ITGB3: variants seen among roughly 807,000 people sequenced by gnomAD.
ITGB3 encodes the protein integrin subunit beta 3.
A neutral mutation model predicts 85.8 loss-of-function variants in ITGB3; 48 were observed. The observed-to-expected ratio is 0.56, with a 90% CI of 0.44 to 0.71. The LOEUF (loss-of-function observed/expected upper bound fraction) is 0.71. ITGB3 is among the 30% of genes least tolerant of loss of function. ITGB3 has a pLI of 0.00. For synonymous variants in ITGB3, 363 were observed against 395.6 expected (o/e 0.92, Z 0.98); for missense variants, 861 against 1,019.1 (o/e 0.84, Z 2.11).
At chr17:47,275,595 T>C (rs1170267186) in intron 2 of ITGB3, among the ~76,000 whole-genome samples, 1 of 152,232 alleles carries the variant, frequency 6.6e-6, no homozygotes, top group Non-Finnish European at 1.5e-5. Flanking sequence ...TCAGTCTCTC[T>C]GTCTGCTTCT....
At chr17:47,261,712 G>A (rs1953115320) in intron 1 of ITGB3, among the ~76,000 whole-genome samples, 1 of 152,136 alleles carries the variant, frequency 6.6e-6, no homozygotes, top group African/African-American at 2.4e-5. Flanking sequence ...TAGAGACAGG[G>A]TTTGGCCATG....
At chr17:47,292,669 G>A in intron 10 of ITGB3, 101 bp downstream of exon 10, 2 of 1,235,750 alleles carry the variant, frequency 1.6e-6, no homozygotes, top group South Asian at 1.2e-5. Context: ...GTCTTTGCAG[G>A]CAGAGGTGTA....
chr17:47,291,573 G>A (rs2065125842), intron 9 of ITGB3: 1 of 268,744 alleles, frequency 3.7e-6, no homozygotes, highest in Non-Finnish European at 7.0e-6. Context: ...GGGGAGGAAG[G>A]AGGGGAAGAA....
At chr17:47,262,489 G>A (rs1432574589) in intron 1 of ITGB3, among the ~76,000 whole-genome samples, 1 of 152,164 alleles carries the variant, frequency 6.6e-6, no homozygotes, top group Non-Finnish European at 1.5e-5. Flanking sequence ...CATGCCTTGG[G>A]TTGCTAGGCT....
At position 47,292,390 on chromosome 17, in the gene ITGB3, T is replaced by C; in HGVS notation, c.1512T>C (p.Tyr504=). 1.9e-6 allele frequency: 3 copies of C among 1,613,846 alleles called. No individual in the cohort carries two copies. The highest frequency in any genetic ancestry group is 2.5e-6 in the Non-Finnish European group (3 of 1,179,716). ...AGTGTGAGTGCTCAGAGGAGGACTA[T>C]CGCCCTTCCCAGCAGGACGAATGCA... The part of the protein sequence containing the change: ...GSQCECSEED[Y]RPSQQDECSP... The change falls in exon 10 of 15, where the codon TAT becomes TAC. Residue 504 remains tyrosine, a synonymous_variant. Coordinates refer to ENST00000559488, the MANE Select transcript of ITGB3 (RefSeq NM_000212.3).
rs529233506 is a variant in ITGB3, at chr17:47,299,121, T to G, written c.1691-187T>G. On this transcript the variant is annotated intron_variant, in intron 10 of 14. Transcript: ENST00000559488. The surrounding 1 kb of genome is among the most constrained non-coding windows in gnomAD (Gnocchi z 5.1). ...GCTCCGAGCAAGTCCTGCCATACCT[T>G]GGGACCCCTAGAAAACTGAGTTTGT... is the stretch of plus-strand genomic sequence containing the variant. Among the ~76,000 whole-genome samples, 1 of 152,326 alleles carries G rather than the reference T, an allele frequency of 6.6e-6. No homozygotes were observed. The highest frequency in any genetic ancestry group is 2.4e-5 in the African/African-American group (1 of 41,588).
intron 1 of ITGB3, among the ~76,000 whole-genome samples, chr17:47,266,878 G>A (rs764021812): frequency 2.6e-5 from 4 of 151,874 alleles, no homozygotes; most frequent in Non-Finnish European, 4.4e-5. Flanking sequence ...CTGGATTTTC[G>A]AAGACTAATA....
Position 47,299,735 on chromosome 17 carries a change from G to C in ITGB3, c.1913+205G>C, listed in dbSNP as rs531496778. ...AACTGTGAAGGAGCCAAAGTTGAACGAGCTGGACTTCGATTGAGAATGTCC... is the reference window on the plus strand; with the variant it reads ...AACTGTGAAGGAGCCAAAGTTGAACCAGCTGGACTTCGATTGAGAATGTCC... On this transcript the variant is annotated intron_variant, in intron 11 of 14. Coordinates refer to ENST00000559488, the MANE Select transcript of ITGB3 (RefSeq NM_000212.3). The surrounding 1 kb of genome is among the most constrained non-coding windows in gnomAD (Gnocchi z 5.1). Among the ~76,000 whole-genome samples the C allele has an allele frequency of 9.2e-5, 14 of 152,350 alleles. No individual in the cohort carries two copies. In the East Asian group the frequency reaches 1.3e-3, roughly 15 times the overall value.
intron 1 of ITGB3, 90 bp from the exon 2 acceptor site, chr17:47,274,329 C>A: frequency 9.0e-7 from 1 of 1,111,144 alleles, no homozygotes; most frequent in Non-Finnish European, 1.4e-6. Context: ...AGCTGTAAAC[C>A]TGGACATTGG....
chr17:47,283,279 TG>T, intron 2 of ITGB3, 74 bp from the exon 3 acceptor site: 1 of 1,396,562 alleles, frequency 7.2e-7, no homozygotes, highest in South Asian at 1.2e-5. Flanking sequence ...TATTGGGAAG[TG>T]GTAGGGCCTG....
chr17:47,297,532 T>G (rs1436202839), intron 10 of ITGB3, among the ~76,000 whole-genome samples: 2 of 152,212 alleles, frequency 1.3e-5, no homozygotes, highest in Middle Eastern at 3.4e-3. Context: ...GGTGCATGCC[T>G]GTAGTCCTGG....
intron 1 of ITGB3, among the ~76,000 whole-genome samples, chr17:47,261,797 C>T (rs949488575): frequency 6.6e-6 from 1 of 152,168 alleles, no homozygotes; most frequent in African/African-American, 2.4e-5. Flanking sequence ...TGGGATTACA[C>T]GCATAAGCCA....
intron 2 of ITGB3, 91 bp from the exon 3 acceptor site, chr17:47,283,263 C>G: frequency 8.1e-7 from 1 of 1,228,874 alleles, no homozygotes; most frequent in Non-Finnish European, 1.2e-6. Flanking sequence ...GGGGTAAACT[C>G]TTAGCTATTG....
chr17:47,284,412 A>G (rs1040128345), intron 3 of ITGB3, 31 bp from the exon 4 acceptor site: 2 of 1,613,896 alleles, frequency 1.2e-6, no homozygotes, highest in African/African-American at 2.7e-5. Flanking sequence ...TGGGAGAAGA[A>G]GATAAAAACT....
chr17:47,289,890 C>A (rs1365565703), intron 7 of ITGB3, 114 bp downstream of exon 7: 2 of 808,594 alleles, frequency 2.5e-6, no homozygotes, highest in Non-Finnish European at 4.4e-6. Flanking sequence ...CTCCCCTAAT[C>A]CACTCCCCAG....
At position 47,307,051 on chromosome 17, in the gene ITGB3, A is replaced by G. The variant is rs1598702491; in HGVS notation, c.2135-420A>G. The stretch of plus-strand genomic sequence containing the variant: ...ACATGTGTGGGTTTGTTCCGTAGAT[A>G]AACTGTGAGTCATGGGGGTCTGGTG... On this transcript the variant is annotated intron_variant, in intron 13 of 14. Coordinates refer to ENST00000559488, the MANE Select transcript of ITGB3 (RefSeq NM_000212.3). Among the ~76,000 whole-genome samples, 11 of 152,306 alleles carry G rather than the reference A, an allele frequency of 7.2e-5. 3 individuals are homozygous for G. Among genetic ancestry groups the G allele is most frequent in the Admixed American group, 7.2e-4 (11 of 15,302 alleles).
chr17:47,272,751 T>C (rs1426066302), intron 1 of ITGB3, among the ~76,000 whole-genome samples: 1 of 147,954 alleles, frequency 6.8e-6, no homozygotes, highest in Non-Finnish European at 1.5e-5. Context: ...TTTCTTTCTC[T>C]CTCCTTCCTT....
intron 1 of ITGB3, among the ~76,000 whole-genome samples, chr17:47,261,821 A>G (rs959909885): frequency 5.3e-5 from 8 of 152,182 alleles, no homozygotes; most frequent in Non-Finnish European, 1.0e-4. Flanking sequence ...CACCTGGCCC[A>G]TTGTCTCTTA....
chr17:47,272,281 C>T (rs1427515004), intron 1 of ITGB3, among the ~76,000 whole-genome samples: 1 of 150,544 alleles, frequency 6.6e-6, no homozygotes, highest in African/African-American at 2.5e-5. Context: ...GTCTTGATCT[C>T]CTGACCTCGT....
Sources: gnomAD v4.1 joint callset for allele counts (sites outside exome capture counted in the v4.1 genomes callset) on GRCh38, gnomAD v4.1.1 for gene constraint, Gnocchi (gnomAD v3.1) non-coding constraint, MANE v1.5 for transcripts, NCBI Gene and HGNC (gene_info 2026-07-23, HGNC 2026-07-21) for gene names.